SNX29: variants seen among roughly 807,000 people sequenced by gnomAD.
The protein encoded by SNX29 is sorting nexin-29.
Under a neutral mutation model 102.1 loss-of-function variants are expected in SNX29, and 78 were observed. The ratio of observed to expected loss-of-function variants is 0.76; its 90% CI spans 0.64 to 0.92. The LOEUF is 0.92. SNX29 is among the 40% of genes least tolerant of loss of function. SNX29 has a pLI of 0.00. For synonymous variants in SNX29, 580 were observed against 414.5 expected, an observed-to-expected ratio of 1.40 and a Z score of -4.85; for missense variants, 1,280 against 1,061.7, an observed-to-expected ratio of 1.21 and a Z score of -2.86.
intron 15 of SNX29, among the ~76,000 whole-genome samples, chr16:12,297,616 C>T (rs559977902): frequency 3.9e-5 from 6 of 152,000 alleles, no homozygotes; most frequent in South Asian, 4.2e-4. Context: ...AAATGATAAC[C>T]GTGGGTGGTG....
chr16:12,227,627 C>T (rs536630872), intron 14 of SNX29, among the ~76,000 whole-genome samples: 13 of 152,128 alleles, frequency 8.5e-5, no homozygotes, highest in Non-Finnish European at 1.8e-4. Context: ...AGGCCGGGCG[C>T]GGTGGCTCAT....
intron 15 of SNX29, among the ~76,000 whole-genome samples, chr16:12,336,278 A>C (rs980905187): frequency 2.0e-5 from 3 of 152,188 alleles, no homozygotes; most frequent in Non-Finnish European, 2.9e-5. Context: ...AGGTATTCAG[A>C]ATAGACTCTC....
In SNX29 at chr16:12,562,111, ACT is replaced by A. The variant is rs2078758957; in HGVS notation, c.2319-6391_2319-6390del. Among the ~76,000 whole-genome samples, 5 of 151,776 alleles carry A rather than the reference ACT, an allele frequency of 3.3e-5. No homozygotes were observed. The South Asian group carries it at 1.0e-3, about 32-fold the overall frequency. On this transcript the variant is annotated intron_variant, in intron 20 of 20. Coordinates refer to ENST00000566228, the MANE Select transcript of SNX29 (RefSeq NM_032167.5). ...TTGAACCGCATTTCTAAGGCCGTTC[ACT>A]CTCCTGTGTGACCCCAAAATGGCTC...
At chr16:12,114,337 G>T (rs1485216148) in intron 11 of SNX29, among the ~76,000 whole-genome samples, 1 of 152,242 alleles carries the variant, frequency 6.6e-6, no homozygotes, top group Non-Finnish European at 1.5e-5. Flanking sequence ...GGAGAGAGGT[G>T]CAGAGAAGCA....
chr16:12,332,208 G>A (rs554493443), intron 15 of SNX29, among the ~76,000 whole-genome samples: 9 of 152,290 alleles, frequency 5.9e-5, no homozygotes, highest in African/African-American at 1.7e-4. Flanking sequence ...CTGACTCAGA[G>A]CCAGGTGTGC....
intron 18 of SNX29, among the ~76,000 whole-genome samples, chr16:12,469,654 A>G (rs781314530): frequency 6.6e-6 from 1 of 151,986 alleles, no homozygotes; most frequent in Non-Finnish European, 1.5e-5. Context: ...TCCGCTGCTC[A>G]CTCCTCGGGC....
At chr16:12,513,202 C>G (rs1190425621) in intron 19 of SNX29, among the ~76,000 whole-genome samples, 4 of 151,672 alleles carry the variant, frequency 2.6e-5, no homozygotes, top group Non-Finnish European at 5.9e-5. Flanking sequence ...CTCTCCCTTG[C>G]CCTGCCCTAC....
intron 18 of SNX29, among the ~76,000 whole-genome samples, chr16:12,415,541 C>T (rs887164178): frequency 6.6e-5 from 10 of 152,228 alleles, no homozygotes; most frequent in Admixed American, 2.0e-4. Context: ...ATGAAGTTCT[C>T]CTCGCAGGCA....
At chr16:12,274,774 G>A (rs1171078736) in intron 14 of SNX29, among the ~76,000 whole-genome samples, 2 of 151,968 alleles carry the variant, frequency 1.3e-5, no homozygotes, top group African/African-American at 4.8e-5. Flanking sequence ...GTTATTCGTT[G>A]CCTCTATTTT....
chr16:12,013,056 C>T (rs1248021073), intron 3 of SNX29, among the ~76,000 whole-genome samples: 3 of 151,032 alleles, frequency 2.0e-5, no homozygotes, highest in Admixed American at 6.6e-5. Flanking sequence ...CTGGGAGAAC[C>T]GGGGTTGGAG....
At chr16:11,999,589 C>T (rs1312379932) in intron 2 of SNX29, among the ~76,000 whole-genome samples, 2 of 152,144 alleles carry the variant, frequency 1.3e-5, no homozygotes, top group South Asian at 2.1e-4. Flanking sequence ...GGACCCCATC[C>T]GTCAGTGATG....
chr16:12,224,823 G>A (rs907397793), intron 14 of SNX29, among the ~76,000 whole-genome samples: 5 of 152,112 alleles, frequency 3.3e-5, no homozygotes, highest in Non-Finnish European at 5.9e-5. Flanking sequence ...ACAGTAATGA[G>A]CCCAGGCAAA....
intron 19 of SNX29, among the ~76,000 whole-genome samples, chr16:12,523,805 G>A (rs1190293798): frequency 6.6e-6 from 1 of 152,204 alleles, no homozygotes; most frequent in Admixed American, 6.5e-5. Flanking sequence ...CTGGGGACCT[G>A]TGCCTGCCTT....
At chr16:12,139,260 T>G in intron 13 of SNX29, among the ~76,000 whole-genome samples, 1 of 146,692 alleles carries the variant, frequency 6.8e-6, no homozygotes, top group African/African-American at 2.5e-5. Flanking sequence ...TGCCTGATCG[T>G]GAGACCGATC....
intron 4 of SNX29, 80 bp from the exon 5 acceptor site, chr16:12,042,817 G>C: frequency 7.0e-7 from 1 of 1,427,552 alleles, no homozygotes; most frequent in South Asian, 1.3e-5. Context: ...CTCCAACTTC[G>C]CCTAGAGGCT....
intron 11 of SNX29, among the ~76,000 whole-genome samples, chr16:12,122,685 A>AG (rs1245753551): frequency 6.6e-6 from 1 of 152,086 alleles, no homozygotes; most frequent in Non-Finnish European, 1.5e-5. Flanking sequence ...AGCTCAGGAG[A>AG]GGGCCTAGGT....
chr16:12,044,137 C>G (rs1180966225), intron 5 of SNX29, among the ~76,000 whole-genome samples: 2 of 152,194 alleles, frequency 1.3e-5, no homozygotes, highest in African/African-American at 4.8e-5. Context: ...ACTGACGAAT[C>G]CTGTTCTGGT....
At chr16:12,488,693 G>A (rs1449765202) in intron 19 of SNX29, among the ~76,000 whole-genome samples, 1 of 152,170 alleles carries the variant, frequency 6.6e-6, no homozygotes, top group Non-Finnish European at 1.5e-5. Flanking sequence ...TAGATGCTCA[G>A]TTCCCATGTG....
intron 15 of SNX29, among the ~76,000 whole-genome samples, chr16:12,342,100 A>T (rs950294625): frequency 6.6e-6 from 1 of 152,114 alleles, no homozygotes; most frequent in Non-Finnish European, 1.5e-5. Flanking sequence ...ACAGAAGAAG[A>T]TCACATTTGA....
Sources: allele counts gnomAD v4.1 joint callset (sites outside exome capture counted in the v4.1 genomes callset), GRCh38; gene constraint gnomAD v4.1.1; transcripts MANE v1.5; gene names NCBI Gene and HGNC (gene_info 2026-07-23, HGNC 2026-07-21).